GALNTL6: variants seen among roughly 807,000 people sequenced by gnomAD.
GALNTL6 encodes polypeptide N-acetylgalactosaminyltransferase like 6.
A neutral mutation model predicts 73.7 loss-of-function variants in GALNTL6; 46 were observed. That is an observed-to-expected ratio of 0.62 (90% confidence interval 0.49 to 0.80). The LOEUF (loss-of-function observed/expected upper bound fraction) is 0.80. GALNTL6 is among the 30% of genes least tolerant of loss of function. The probability of loss-of-function intolerance (pLI) is 0.00; values close to 1 mark genes in which losing one functional copy is unlikely to be tolerated. For synonymous variants in GALNTL6, 259 were observed against 263.7 expected, an observed-to-expected ratio of 0.98 and a Z score of 0.17; for missense variants, 604 against 755.0, an observed-to-expected ratio of 0.80 and a Z score of 2.34.
chr4:171,965,849 C>G (rs1288135031), intron 2 of GALNTL6, among the ~76,000 whole-genome samples: 1 of 151,806 alleles, frequency 6.6e-6, no homozygotes, highest in East Asian at 1.9e-4. Context: ...ATTTATTTAC[C>G]CTTTCGTTTA....
At chr4:172,261,524 C>A (rs140046380) in intron 3 of GALNTL6, among the ~76,000 whole-genome samples, 5 of 151,142 alleles carry the variant, frequency 3.3e-5, no homozygotes, top group African/African-American at 1.2e-4. Flanking sequence ...CACTAATGTT[C>A]GATCACTTTT....
At chr4:172,567,483 G>A (rs1387007228) in intron 5 of GALNTL6, among the ~76,000 whole-genome samples, 2 of 152,132 alleles carry the variant, frequency 1.3e-5, no homozygotes, top group African/African-American at 2.4e-5. Flanking sequence ...TATCTCAGAC[G>A]AGAACCAGCA....
intron 5 of GALNTL6, among the ~76,000 whole-genome samples, chr4:172,541,756 T>C (rs1462043373): frequency 6.6e-6 from 1 of 152,180 alleles, no homozygotes; most frequent in African/African-American, 2.4e-5. Flanking sequence ...TTTACCGAAG[T>C]TGTATGCATG....
intron 5 of GALNTL6, among the ~76,000 whole-genome samples, chr4:172,496,369 A>G (rs1235659244): frequency 1.3e-5 from 2 of 152,130 alleles, no homozygotes; most frequent in Admixed American, 1.3e-4. Context: ...GAAATAAGTT[A>G]TATTTTTCTT....
In GALNTL6 at chr4:172,177,791, A is replaced by ATATATATACACACACATATACACATGTG. The variant is rs1735075583; in HGVS notation, c.139-51845_139-51844insCACATGTGTATATATACACACACATATA. ...TATGTACACATATATACACATGTGT[A>ATATATATACACACACATATACACATGTG]TATATATACACACACATATATGTGT... On this transcript the variant is annotated intron_variant, in intron 2 of 12. Coordinates refer to ENST00000506823, the MANE Select transcript of GALNTL6 (RefSeq NM_001034845.3). 8.8e-5 allele frequency among the ~76,000 whole-genome samples: 9 copies of ATATATATACACACACATATACACATGTG among 101,738 alleles called. 1 individual carries two copies. The South Asian group carries it at 3.5e-3, about 40-fold the overall frequency. The allele number at this position is 101,738 out of a possible 152,430, so 66.7% of individuals were successfully genotyped here.
At chr4:172,516,004 C>T (rs72995098) in intron 5 of GALNTL6, among the ~76,000 whole-genome samples, 2 of 152,180 alleles carry the variant, frequency 1.3e-5, no homozygotes, top group Non-Finnish European at 2.9e-5. Context: ...TTATATGTTA[C>T]ATTAAGTCTT....
chr4:172,386,166 T>C (rs1029817447), intron 5 of GALNTL6, among the ~76,000 whole-genome samples: 15 of 152,144 alleles, frequency 9.9e-5, no homozygotes, highest in Admixed American at 9.2e-4. Context: ...GAAGAAAAAA[T>C]TTACAAAAAT....
chr4:172,534,068 AG>A (rs1735259429), intron 5 of GALNTL6, among the ~76,000 whole-genome samples: 2 of 152,202 alleles, frequency 1.3e-5, no homozygotes, highest in African/African-American at 4.8e-5. Flanking sequence ...CTACAAATAA[AG>A]GGTATAATGT....
At chr4:173,029,635 ACACACT>A (rs1753375910) in intron 12 of GALNTL6, among the ~76,000 whole-genome samples, 1 of 152,184 alleles carries the variant, frequency 6.6e-6, no homozygotes, top group Admixed American at 6.6e-5. Flanking sequence ...CCTTAACTTC[ACACACT>A]CAGCTTCTTA....
At chr4:172,933,566 T>C (rs1748463201) in intron 9 of GALNTL6, among the ~76,000 whole-genome samples, 1 of 152,158 alleles carries the variant, frequency 6.6e-6, no homozygotes, top group African/African-American at 2.4e-5. Context: ...TATTTTTTTT[T>C]CTAAACTGCT....
chr4:172,596,481 A>G (rs541163305), intron 5 of GALNTL6, among the ~76,000 whole-genome samples: 1 of 150,784 alleles, frequency 6.6e-6, no homozygotes, highest in South Asian at 2.1e-4. Context: ...AAGTGTGACC[A>G]AGATCAAGAA....
intron 2 of GALNTL6, among the ~76,000 whole-genome samples, chr4:172,167,848 A>G (rs1412534026): frequency 6.7e-6 from 1 of 148,208 alleles, no homozygotes; most frequent in African/African-American, 2.5e-5. Context: ...AGTCCCAGCT[A>G]CTCGGGAGGC....
chr4:172,736,543 A>G (rs1736473020), intron 5 of GALNTL6, among the ~76,000 whole-genome samples: 1 of 152,224 alleles, frequency 6.6e-6, no homozygotes, highest in Non-Finnish European at 1.5e-5. Context: ...TAACGCAATC[A>G]TCACAGGGTC....
intron 5 of GALNTL6, among the ~76,000 whole-genome samples, chr4:172,637,141 A>G (rs181020776): frequency 7.4e-4 from 113 of 152,316 alleles, no homozygotes; most frequent in Middle Eastern, 3.4e-3. Flanking sequence ...ATTCAGAAAT[A>G]CACAGATTAT....
intron 2 of GALNTL6, among the ~76,000 whole-genome samples, chr4:172,157,208 C>A (rs534275056): frequency 2.0e-3 from 299 of 152,170 alleles, no homozygotes; most frequent in African/African-American, 7.0e-3. Context: ...CAATAGTTAC[C>A]CTCACTGCTT....
intron 2 of GALNTL6, among the ~76,000 whole-genome samples, chr4:172,065,573 AT>A (rs942853473): frequency 8.0e-5 from 12 of 150,220 alleles, no homozygotes; most frequent in South Asian, 2.1e-4. Context: ...AAAAAGACTA[AT>A]TTTTTTTTTA....
chr4:172,096,109 T>TGTG (rs70941383), intron 2 of GALNTL6, among the ~76,000 whole-genome samples: 2 of 151,308 alleles, frequency 1.3e-5, no homozygotes, highest in African/African-American at 4.9e-5. Flanking sequence ...TGTGTGTGTG[T>TGTG]ATGTGTGTTT....
At chr4:172,690,031 A>C (rs1039727641) in intron 5 of GALNTL6, among the ~76,000 whole-genome samples, 71 of 152,212 alleles carry the variant, frequency 4.7e-4, no homozygotes, top group Non-Finnish European at 1.6e-4. Context: ...ATGAGAGCTC[A>C]GACTAAGAAG....
intron 2 of GALNTL6, among the ~76,000 whole-genome samples, chr4:172,051,447 G>T (rs961382480): frequency 2.6e-5 from 4 of 152,114 alleles, no homozygotes; most frequent in Non-Finnish European, 4.4e-5. Context: ...TTTATTAAGT[G>T]GTTGCATTGG....
Sources: gnomAD v4.1 joint callset for allele counts (sites outside exome capture counted in the v4.1 genomes callset) on GRCh38, gnomAD v4.1.1 for gene constraint, MANE v1.5 for transcripts, NCBI Gene and HGNC (gene_info 2026-07-23, HGNC 2026-07-21) for gene names.